PLD1: variants seen among roughly 807,000 people sequenced by gnomAD.
PLD1 encodes the protein choline phosphatase 1.
In PLD1, 112 loss-of-function variants were observed where a neutral mutation model predicts 137.1. The ratio of observed to expected loss-of-function variants is 0.82; its 90% CI spans 0.70 to 0.96. PLD1 has a LOEUF of 0.96. PLD1 is among the 40% of genes least tolerant of loss of function. The pLI is 0.00. For synonymous variants in PLD1, 431 were observed against 454.7 expected, an observed-to-expected ratio of 0.95 and a Z score of 0.66; for missense variants, 1,321 against 1,342.0, an observed-to-expected ratio of 0.98 and a Z score of 0.24.
At chr3:171,792,562 G>T (rs1723258731) in intron 1 of PLD1, 1 of 456,566 alleles carries the variant, frequency 2.2e-6, no homozygotes, top group South Asian at 1.5e-5. Flanking sequence ...GGAGAAGGAA[G>T]AGGGCCTGTT....
At chr3:171,715,098 C>A (rs1052248090) in intron 8 of PLD1, among the ~76,000 whole-genome samples, 1 of 152,142 alleles carries the variant, frequency 6.6e-6, no homozygotes, top group African/African-American at 2.4e-5. Flanking sequence ...ATTTTCAAAG[C>A]AAACACAGAA....
chr3:171,661,715 C>G lies in PLD1; in HGVS notation c.2340+345G>C, dbSNP rs1711522987. On this transcript the variant is annotated intron_variant, in intron 20 of 26. Coordinates refer to ENST00000351298, the MANE Select transcript of PLD1 (RefSeq NM_002662.5). The stretch of plus-strand genomic sequence containing the variant: ...CTGTGTGTGCTCTCCTGAAATAGAA[C>G]TTGCTTCACACTTAAACCCTCCAAC... 3.3e-5 allele frequency among the ~76,000 whole-genome samples: 5 copies of G among 152,180 alleles called. No individual in the cohort carries two copies. The South Asian group carries it at 1.0e-3, about 31-fold the overall frequency.
At chr3:171,677,807 A>G in intron 16 of PLD1, 113 bp from the exon 17 acceptor site, 1 of 1,022,678 alleles carries the variant, frequency 9.8e-7, no homozygotes, top group South Asian at 1.6e-5. Flanking sequence ...TTAAGACACA[A>G]CTAGGGTGGC....
intron 8 of PLD1, among the ~76,000 whole-genome samples, chr3:171,722,077 T>C (rs77341940): frequency 7.0e-4 from 106 of 152,330 alleles, no homozygotes; most frequent in Non-Finnish European, 1.4e-3. Flanking sequence ...AGATATAAAA[T>C]ATTTATAATT....
intron 23 of PLD1, among the ~76,000 whole-genome samples, 198 bp from the exon 24 acceptor site, chr3:171,620,718 T>TTCTCTCTCTCTCTCTC (rs369273677): frequency 3.8e-5 from 4 of 104,156 alleles, no homozygotes; most frequent in African/African-American, 1.4e-4. Flanking sequence ...CTGAATGGCT[T>TTCTCTCTCTCTCTCTC]TCTCTCTCTC....
chr3:171,711,536 T>C (rs937362863), intron 9 of PLD1, among the ~76,000 whole-genome samples: 7 of 152,200 alleles, frequency 4.6e-5, no homozygotes, highest in African/African-American at 1.7e-4. Flanking sequence ...AGGATACTCA[T>C]GTACATTTGT....
chr3:171,607,386 T>C (rs914733059), intron 25 of PLD1, among the ~76,000 whole-genome samples: 2 of 152,172 alleles, frequency 1.3e-5, no homozygotes, highest in African/African-American at 4.8e-5. Context: ...TCTGTAACTT[T>C]GCTTTTAAAT....
intron 1 of PLD1, among the ~76,000 whole-genome samples, chr3:171,764,678 G>T (rs903638194): frequency 6.6e-6 from 1 of 151,752 alleles, no homozygotes; most frequent in African/African-American, 2.4e-5. Flanking sequence ...TCAGGACACT[G>T]TTGGGAAGAT....
At chr3:171,764,576 G>A (rs1377019424) in intron 1 of PLD1, among the ~76,000 whole-genome samples, 3 of 151,846 alleles carry the variant, frequency 2.0e-5, no homozygotes, top group Non-Finnish European at 4.4e-5. Context: ...AAAAGTTAAA[G>A]AGTTAGACAC....
intron 21 of PLD1, among the ~76,000 whole-genome samples, chr3:171,649,759 A>T (rs1041422784): frequency 6.6e-6 from 1 of 152,232 alleles, no homozygotes; most frequent in Non-Finnish European, 1.5e-5. Context: ...TCTTGTTAAA[A>T]GTTTTTCTTC....
intron 4 of PLD1, 122 bp from the exon 5 acceptor site, chr3:171,735,092 A>G (rs1194796851): frequency 1.6e-6 from 1 of 638,766 alleles, no homozygotes; most frequent in Non-Finnish European, 2.8e-6. Flanking sequence ...ATCTACCAAC[A>G]ATAGACTAGT....
intron 13 of PLD1, 146 bp from the exon 14 acceptor site, chr3:171,689,022 A>T: frequency 1.6e-6 from 1 of 616,446 alleles, no homozygotes; most frequent in Non-Finnish European, 2.8e-6. Flanking sequence ...AAATAATTTT[A>T]TTCTCAGCAT....
intron 9 of PLD1, among the ~76,000 whole-genome samples, chr3:171,711,817 T>TAAAAAAAAAAAAAAAAA (rs36106956): frequency 3.0e-5 from 3 of 99,204 alleles, no homozygotes; most frequent in African/African-American, 4.0e-5. Flanking sequence ...TTATAAATGC[T>TAAAAAAAAAAAAAAAAA]AAAAAAAAAA....
rs138351479 is a variant in PLD1, at chr3:171,646,581, A to T, written c.2430-1558T>A. Among the ~76,000 whole-genome samples the T allele has an allele frequency of 7.4e-4, 112 of 152,148 alleles. 1 individual carries two copies. The highest frequency in any genetic ancestry group is 6.5e-3 in the Admixed American group (100 of 15,274). On this transcript the variant is annotated intron_variant, in intron 21 of 26. Coordinates refer to ENST00000351298, the MANE Select transcript of PLD1 (RefSeq NM_002662.5). ...AAACATAGTTTGAGTTGGAAAGAAG[A>T]CATTAAAAAATGTAAACTGTTCAAG...
At chr3:171,794,167 T>C (rs1723336412) in intron 1 of PLD1, among the ~76,000 whole-genome samples, 1 of 150,954 alleles carries the variant, frequency 6.6e-6, no homozygotes, top group Non-Finnish European at 1.5e-5. Flanking sequence ...AGAAAAGTAC[T>C]GTACAATAAG....
intron 23 of PLD1, among the ~76,000 whole-genome samples, chr3:171,629,922 C>G (rs1373514063): frequency 6.6e-6 from 1 of 151,964 alleles, no homozygotes; most frequent in East Asian, 1.9e-4. Context: ...AGAAGAAAAC[C>G]TAGGCATTAC....
chr3:171,771,037 A>T (rs184878056), intron 1 of PLD1, among the ~76,000 whole-genome samples: 414 of 152,260 alleles, frequency 2.7e-3, no homozygotes, highest in African/African-American at 9.4e-3. Flanking sequence ...TGCATATATT[A>T]TAAGGAGAAA....
intron 23 of PLD1, among the ~76,000 whole-genome samples, chr3:171,639,585 TATA>T (rs1735501538): frequency 1.0e-5 from 1 of 99,032 alleles, no homozygotes; most frequent in Non-Finnish European, 1.8e-5. Context: ...TATATATTCA[TATA>T]ATATATATTC....
intron 1 of PLD1, among the ~76,000 whole-genome samples, chr3:171,798,556 A>G (rs59986858): frequency 0.022 from 3,330 of 152,322 alleles, 135 homozygotes; most frequent in African/African-American, 0.076. Context: ...GAAAGAGAGA[A>G]AGACTGAGAA....
Sources: gnomAD v4.1 joint callset for allele counts (sites outside exome capture counted in the v4.1 genomes callset) on GRCh38, gnomAD v4.1.1 for gene constraint, MANE v1.5 for transcripts, NCBI Gene and HGNC (gene_info 2026-07-23, HGNC 2026-07-21) for gene names.